STK32B: variants seen among roughly 807,000 people sequenced by gnomAD.
STK32B encodes serine/threonine kinase 32B, also known as serine/threonine-protein kinase 32B.
A neutral mutation model predicts 52.6 loss-of-function variants in STK32B; 43 were observed. The observed-to-expected ratio is 0.82, with a 90% CI of 0.64 to 1.05. The LOEUF is 1.05. Among genes scored for constraint, STK32B ranks in the 50% least tolerant of loss-of-function variants. STK32B has a pLI of 0.00. For synonymous variants in STK32B, 238 were observed against 204.3 expected (o/e 1.17, Z -1.41); for missense variants, 621 against 534.6 (o/e 1.16, Z -1.59).
chr4:5,333,718 A>G (rs932681245), intron 4 of STK32B, among the ~76,000 whole-genome samples: 7 of 152,300 alleles, frequency 4.6e-5, no homozygotes, highest in African/African-American at 1.7e-4. Context: ...TCCCAGCACC[A>G]TTTATTAAAT....
intron 3 of STK32B, among the ~76,000 whole-genome samples, chr4:5,270,822 G>C (rs1424828898): frequency 6.6e-6 from 1 of 152,170 alleles, no homozygotes; most frequent in Non-Finnish European, 1.5e-5. Flanking sequence ...TTACCAAAAA[G>C]ATAGTAAAAC....
At chr4:5,220,119 A>G (rs920954532) in intron 3 of STK32B, among the ~76,000 whole-genome samples, 2 of 152,186 alleles carry the variant, frequency 1.3e-5, no homozygotes, top group Non-Finnish European at 2.9e-5. Flanking sequence ...AGGGATCCCT[A>G]ATGTAAGTTT....
intron 2 of STK32B, among the ~76,000 whole-genome samples, chr4:5,153,336 C>A (rs1463110171): frequency 6.6e-6 from 1 of 152,144 alleles, no homozygotes; most frequent in Non-Finnish European, 1.5e-5. Flanking sequence ...CTGCAACCCT[C>A]CCTTTTGTCT....
intron 2 of STK32B, among the ~76,000 whole-genome samples, chr4:5,146,985 C>T (rs1297522778): frequency 6.6e-6 from 1 of 152,162 alleles, no homozygotes; most frequent in Non-Finnish European, 1.5e-5. Flanking sequence ...ATCTGTATAT[C>T]AATTTGGAAA....
intron 4 of STK32B, among the ~76,000 whole-genome samples, chr4:5,349,317 C>T (rs2108982983): frequency 6.6e-6 from 1 of 152,274 alleles, no homozygotes; most frequent in Non-Finnish European, 1.5e-5. Flanking sequence ...AAAACTTCAG[C>T]AGAGCCTCCG....
At chr4:5,354,253 G>A (rs1373790658) in intron 4 of STK32B, among the ~76,000 whole-genome samples, 2 of 152,148 alleles carry the variant, frequency 1.3e-5, no homozygotes, top group East Asian at 1.9e-4. Flanking sequence ...ATTGCAGGGG[G>A]TGAAGAAAAA....
At chr4:5,458,515 G>C (rs940047546) in intron 8 of STK32B, 1 of 152,168 alleles carries the variant, frequency 6.6e-6, no homozygotes, top group African/African-American at 2.4e-5. Flanking sequence ...CTATTAAAAG[G>C]CAGAAGCAGG....
intron 3 of STK32B, among the ~76,000 whole-genome samples, chr4:5,268,146 G>A (rs1727171420): frequency 6.6e-6 from 1 of 152,186 alleles, no homozygotes; most frequent in African/African-American, 2.4e-5. Context: ...ATTTTAGAGA[G>A]AGGAATGTAA....
At chr4:5,370,966 C>T (rs1735183933) in intron 4 of STK32B, among the ~76,000 whole-genome samples, 1 of 140,998 alleles carries the variant, frequency 7.1e-6, no homozygotes, top group Admixed American at 7.1e-5. Context: ...AAGCAAGACA[C>T]TATCTAAATA....
At position 5,499,020 on chromosome 4, in the gene STK32B, GCT is replaced by G; in HGVS notation, c.1184_1185del (p.Leu395ProfsTer77). The G allele has an allele frequency of 6.2e-7, 1 of 1,613,834 alleles. No individual in the cohort carries two copies. The highest frequency in any genetic ancestry group is 8.5e-7 in the Non-Finnish European group (1 of 1,179,838). On this transcript the variant is annotated frameshift_variant, in exon 12 of 12. Coordinates refer to ENST00000282908, the MANE Select transcript of STK32B (RefSeq NM_018401.3). LOFTEE classifies it high-confidence loss of function. Reference sequence around the variant, plus strand: ...GAGGGGGAGGCCAGGCCCAAAGCAAGCTCCAGGACGGGTGCAACAACAACCTC... The same window carrying G: ...GAGGGGGAGGCCAGGCCCAAAGCAAGCCAGGACGGGTGCAACAACAACCTC... Reference protein sequence around the residue: ...SRGGGQAQSKLQDGCNNNLLT... With the variant: ...SRGGGQAQSKXQDGCNNNLLT...
At chr4:5,486,213 C>T (rs1228201517) in intron 11 of STK32B, among the ~76,000 whole-genome samples, 1 of 152,202 alleles carries the variant, frequency 6.6e-6, no homozygotes, top group Non-Finnish European at 1.5e-5. Context: ...GGCTGGCCTC[C>T]TTGAGCCGTA....
At chr4:5,281,148 A>G (rs1419139603) in intron 3 of STK32B, among the ~76,000 whole-genome samples, 1 of 143,646 alleles carries the variant, frequency 7.0e-6, no homozygotes, top group Non-Finnish European at 1.5e-5. Flanking sequence ...ACCAGATCTC[A>G]TGAGAACTCA....
chr4:5,264,576 G>A lies in STK32B; in HGVS notation c.261-66644G>A, dbSNP rs754359146. ...CTGAGGCGGGCGGATCACGAGGTCGGGGGATCGAGACCATCCTGGCTAACA... is the reference window on the plus strand; with the variant it reads ...CTGAGGCGGGCGGATCACGAGGTCGAGGGATCGAGACCATCCTGGCTAACA... On this transcript the variant is annotated intron_variant, in intron 3 of 11. Transcript: ENST00000282908. Among the ~76,000 whole-genome samples, 4 of 152,062 alleles carry A rather than the reference G, an allele frequency of 2.6e-5. No homozygotes were observed. The South Asian group carries it at 8.3e-4, about 32-fold the overall frequency.
chr4:5,060,755 T>A (rs1159513425), intron 1 of STK32B, among the ~76,000 whole-genome samples: 2 of 152,242 alleles, frequency 1.3e-5, no homozygotes, highest in Non-Finnish European at 2.9e-5. Context: ...ATTTAGACTT[T>A]ACTTATGAGT....
At chr4:5,187,361 T>G (rs1720824147) in intron 3 of STK32B, among the ~76,000 whole-genome samples, 1 of 152,216 alleles carries the variant, frequency 6.6e-6, no homozygotes, top group African/African-American at 2.4e-5. Context: ...GTAGTACCAG[T>G]ACCATTTGTC....
At chr4:5,055,406 T>A (rs1741963523) in intron 1 of STK32B, among the ~76,000 whole-genome samples, 1 of 152,078 alleles carries the variant, frequency 6.6e-6, no homozygotes, top group Non-Finnish European at 1.5e-5. Flanking sequence ...CAGCTCTTGC[T>A]TGGATTATTA....
chr4:5,329,381 C>A (rs186829754), intron 3 of STK32B, among the ~76,000 whole-genome samples: 2 of 152,164 alleles, frequency 1.3e-5, no homozygotes, highest in African/African-American at 4.8e-5. Flanking sequence ...GTGGGTACTG[C>A]GCCATGATCC....
At chr4:5,187,394 T>G (rs912235854) in intron 3 of STK32B, among the ~76,000 whole-genome samples, 8 of 152,228 alleles carry the variant, frequency 5.3e-5, no homozygotes, top group African/African-American at 7.2e-5. Context: ...CACATGGCTC[T>G]TTGCATATTT....
At position 5,500,868 on chromosome 4, in the gene STK32B, G is replaced by T. The variant is rs1230332152; in HGVS notation, c.*1785G>T. On this transcript the variant is annotated 3_prime_UTR_variant, in exon 12 of 12. Transcript: ENST00000282908. ...CCTGGAGGCTCTTAAGATGATGATG[G>T]TTTTTTTTATTGGGCTGAGTTCACG... The T allele has an allele frequency of 5.9e-5, 9 of 152,036 alleles. No homozygotes were observed. Among genetic ancestry groups the T allele is most frequent in the Non-Finnish European group, 1.0e-4 (7 of 68,006 alleles). 9.4% of individuals were successfully genotyped at this position (152,036 alleles called of 1,614,324 possible).
Sources: allele counts gnomAD v4.1 joint callset (sites outside exome capture counted in the v4.1 genomes callset), GRCh38; gene constraint gnomAD v4.1.1; transcripts MANE v1.5; gene names NCBI Gene and HGNC (gene_info 2026-07-23, HGNC 2026-07-21).